Variants in WDR70 observed in about 807,000 individuals in gnomAD.
WDR70 encodes the protein WD repeat-containing protein 70.
WDR70 carries 53 observed loss-of-function variants against 88.6 expected under a neutral mutation model. That is an observed-to-expected ratio of 0.60 (90% CI 0.48 to 0.75). The LOEUF (loss-of-function observed/expected upper bound fraction) is 0.75. Ranked by LOEUF, WDR70 falls within the 30% of genes least tolerant of loss-of-function variation. The pLI, the probability that WDR70 is intolerant of heterozygous loss-of-function variation, is 0.00. For synonymous variants in WDR70, 280 were observed against 270.0 expected (o/e 1.04, Z -0.36); for missense variants, 610 against 823.2 (o/e 0.74, Z 3.17).
At chr5:37,466,570 G>T (rs1378652621) in intron 7 of WDR70, among the ~76,000 whole-genome samples, 6 of 151,868 alleles carry the variant, frequency 4.0e-5, no homozygotes, top group Non-Finnish European at 7.4e-5. Flanking sequence ...GCCGGGCATG[G>T]TGGCGGGCGC....
At position 37,396,313 on chromosome 5, in the gene WDR70, T is replaced by G. The variant is rs575736314; in HGVS notation, c.297-62T>G. On this transcript the variant is annotated intron_variant, in intron 4 of 17. Transcript: ENST00000265107. ...GAAAAGTATCCTGAGAAATGAATAC[T>G]ATTTCCAAAGTGTGCTCTTCATTGC... The G allele has an allele frequency of 8.8e-6, 13 of 1,473,530 alleles. No individual in the cohort carries two copies. The African/African-American group carries it at 1.3e-4, about 14-fold the overall frequency. The allele number at this position is 1,473,530 out of a possible 1,614,324, so 91.3% of individuals were successfully genotyped here.
At chr5:37,413,063 A>G (rs959761358) in intron 5 of WDR70, among the ~76,000 whole-genome samples, 2 of 152,230 alleles carry the variant, frequency 1.3e-5, no homozygotes, top group African/African-American at 4.8e-5. Flanking sequence ...TTCAAAGTAG[A>G]ATTAATGTCC....
intron 11 of WDR70, among the ~76,000 whole-genome samples, chr5:37,698,588 C>T (rs111649291): frequency 1.3e-5 from 2 of 152,162 alleles, no homozygotes; most frequent in Non-Finnish European, 2.9e-5. Flanking sequence ...CATTCAGTCA[C>T]TCGACTACTG....
intron 8 of WDR70, among the ~76,000 whole-genome samples, chr5:37,508,264 G>A (rs1360492078): frequency 2.0e-5 from 3 of 152,024 alleles, no homozygotes; most frequent in African/African-American, 4.8e-5. Context: ...TCTATGATGC[G>A]ATTAGTGCCC....
intron 17 of WDR70, among the ~76,000 whole-genome samples, chr5:37,745,461 T>TAAAA (rs1748609194): frequency 6.6e-6 from 1 of 151,660 alleles, no homozygotes; most frequent in Non-Finnish European, 1.5e-5. Context: ...ATGTCCCAAT[T>TAAAA]AAAAGATAGA....
intron 17 of WDR70, among the ~76,000 whole-genome samples, chr5:37,748,576 T>C (rs1167693370): frequency 6.6e-6 from 1 of 152,098 alleles, no homozygotes; most frequent in Non-Finnish European, 1.5e-5. Flanking sequence ...ATGACAAAAA[T>C]GCCAAGAGCT....
intron 13 of WDR70, among the ~76,000 whole-genome samples, chr5:37,713,965 T>C (rs1352836357): frequency 6.6e-6 from 1 of 152,216 alleles, no homozygotes; most frequent in Non-Finnish European, 1.5e-5. Context: ...AAGAACAAGT[T>C]CTATAATTAA....
chr5:37,442,649 A>G (rs887977363), intron 6 of WDR70, among the ~76,000 whole-genome samples: 2 of 152,200 alleles, frequency 1.3e-5, no homozygotes, highest in African/African-American at 4.8e-5. Flanking sequence ...TGGAACCAAT[A>G]TAAGTACTAT....
intron 8 of WDR70, chr5:37,506,563 A>T (rs775700102): frequency 2.1e-5 from 16 of 773,118 alleles, no homozygotes; most frequent in Non-Finnish European, 3.6e-5. Flanking sequence ...GTTGTAAAGT[A>T]CCTCCCTCCA....
At chr5:37,422,721 G>A (rs535425005) in intron 5 of WDR70, among the ~76,000 whole-genome samples, 56 of 151,994 alleles carry the variant, frequency 3.7e-4, no homozygotes, top group African/African-American at 1.1e-3. Flanking sequence ...CAGGTGATCC[G>A]CCTGCCTCCT....
intron 5 of WDR70, among the ~76,000 whole-genome samples, chr5:37,422,666 CAG>C (rs1749981925): frequency 6.6e-6 from 1 of 151,976 alleles, no homozygotes; most frequent in East Asian, 1.9e-4. Context: ...TTAGTAGAGA[CAG>C]AGTTTCATCA....
intron 8 of WDR70, among the ~76,000 whole-genome samples, chr5:37,513,509 T>C (rs941615390): frequency 2.6e-5 from 4 of 152,056 alleles, no homozygotes; most frequent in Admixed American, 2.6e-4. Flanking sequence ...GAAAATAAAA[T>C]TCGTTGTGGA....
chr5:37,552,016 G>A (rs996175553), intron 9 of WDR70, among the ~76,000 whole-genome samples: 14 of 151,978 alleles, frequency 9.2e-5, no homozygotes, highest in Admixed American at 5.9e-4. Context: ...AGGCATTCCA[G>A]CTGCTTCGAC....
intron 13 of WDR70, among the ~76,000 whole-genome samples, chr5:37,704,164 A>C (rs111903143): frequency 3.4e-4 from 52 of 152,362 alleles, no homozygotes; most frequent in African/African-American, 1.1e-3. Flanking sequence ...TTCTAATCTC[A>C]TGACGTAATT....
Position 37,722,925 on chromosome 5 carries a change from A to C in WDR70, c.1588A>C (p.Ile530Leu), listed in dbSNP as rs1430601790. 6.2e-7 allele frequency: 1 copy of C among 1,613,572 alleles called. No homozygotes were observed. Among genetic ancestry groups the C allele is most frequent in the Admixed American group, 1.7e-5 (1 of 59,982 alleles). ...KQAETLTQDYIITPHALPMFR... is the reference protein window; with the variant it reads ...KQAETLTQDYLITPHALPMFR... ...AGCTGAGACTCTAACTCAGGACTAC[A>C]TCATCACCCGTAAGTCGTTAACATG... Residue 530 changes from isoleucine (I) to leucine (L), a missense_variant, in exon 15 of 18, where the codon ATC becomes CTC. Physicochemically the swap from Ile to Leu is conservative, Grantham distance 5 (BLOSUM62 2). Around this residue, in one of 4 missense-constraint regions of WDR70, gnomAD observed 254 missense variants for 300.7 expected, o/e 0.84. Transcript: ENST00000265107.
At chr5:37,741,541 T>G (rs1284035360) in intron 17 of WDR70, among the ~76,000 whole-genome samples, 1 of 152,176 alleles carries the variant, frequency 6.6e-6, no homozygotes, top group African/African-American at 2.4e-5. Context: ...CATTAGATTC[T>G]TATAAGGAGC....
intron 5 of WDR70, among the ~76,000 whole-genome samples, chr5:37,411,431 GATTTTTTTTTT>G (rs1749518515): frequency 6.6e-6 from 1 of 151,232 alleles, no homozygotes; most frequent in Non-Finnish European, 1.5e-5. Flanking sequence ...GTTTACAAAT[GATTTTTTTTTT>G]TGGCCAGATG....
intron 8 of WDR70, among the ~76,000 whole-genome samples, chr5:37,512,888 A>T (rs1015654878): frequency 3.3e-5 from 5 of 152,062 alleles, no homozygotes; most frequent in African/African-American, 1.2e-4. Flanking sequence ...CCCAGCCGAG[A>T]TTCTTAATTA....
intron 7 of WDR70, among the ~76,000 whole-genome samples, chr5:37,457,128 C>G (rs76627288): frequency 0.16 from 24,520 of 151,870 alleles, 2,075 homozygotes; most frequent in South Asian, 0.27. Flanking sequence ...CAGGGTCTTG[C>G]TCTGTCGCCT....
Sources: gnomAD v4.1 joint callset for allele counts (sites outside exome capture counted in the v4.1 genomes callset) on GRCh38, gnomAD v4.1.1 for gene constraint, gnomAD v4.1.1 regional missense constraint, MANE v1.5 for transcripts, NCBI Gene and HGNC (gene_info 2026-07-23, HGNC 2026-07-21) for gene names.